Variants in EFCAB11 observed in about 807,000 individuals in gnomAD.
EFCAB11 encodes EF-hand calcium-binding domain-containing protein 11.
Under a neutral mutation model 23.0 loss-of-function variants are expected in EFCAB11, and 14 were observed. The observed-to-expected ratio is 0.61, with a 90% CI of 0.40 to 0.95. EFCAB11 has a LOEUF of 0.95. Ranked by LOEUF, EFCAB11 falls within the 40% of genes least tolerant of loss-of-function variation. The pLI, the probability that EFCAB11 is intolerant of heterozygous loss-of-function variation, is 0.00. For synonymous variants in EFCAB11, 65 were observed against 66.6 expected (o/e 0.98, Z 0.11); for missense variants, 198 against 195.8 (o/e 1.01, Z -0.07).
chr14:89,952,520 T>C (rs1437345058), intron 2 of EFCAB11: 1 of 985,358 alleles, frequency 1.0e-6, no homozygotes, highest in Non-Finnish European at 1.2e-6. Flanking sequence ...CAGCCCTGAC[T>C]ACTTCTCTGA....
intron 5 of EFCAB11, among the ~76,000 whole-genome samples, chr14:89,826,759 C>G (rs2140108604): frequency 6.6e-6 from 1 of 152,206 alleles, no homozygotes; most frequent in East Asian, 1.9e-4. Context: ...CCATTCCACA[C>G]TTCTGACATC....
intron 5 of EFCAB11, among the ~76,000 whole-genome samples, chr14:89,930,516 G>A (rs1158101188): frequency 3.4e-5 from 5 of 146,078 alleles, no homozygotes; most frequent in African/African-American, 1.3e-4. Flanking sequence ...GTTGTAAGTG[G>A]AAATAATATA....
chr14:89,949,889 C>T (rs903945797), intron 3 of EFCAB11, among the ~76,000 whole-genome samples: 1 of 151,918 alleles, frequency 6.6e-6, no homozygotes, highest in African/African-American at 2.4e-5. Flanking sequence ...GCAGGGAAGC[C>T]CCCCCTTATA....
intron 5 of EFCAB11, among the ~76,000 whole-genome samples, chr14:89,827,773 A>C (rs1397954933): frequency 4.0e-5 from 6 of 151,180 alleles, no homozygotes; most frequent in Non-Finnish European, 7.4e-5. Flanking sequence ...AGCTGGGATT[A>C]CAGGCATGTG....
At chr14:89,923,886 A>T in intron 5 of EFCAB11, 1 of 985,444 alleles carries the variant, frequency 1.0e-6, no homozygotes, top group Non-Finnish European at 1.2e-6. Context: ...GAGAAATAAC[A>T]TTTCAAAAGA....
chr14:89,953,847 T>C, intron 2 of EFCAB11, 59 bp downstream of exon 2: 1 of 1,424,520 alleles, frequency 7.0e-7, no homozygotes, highest in Non-Finnish European at 9.8e-7. Flanking sequence ...TGAACTTTTC[T>C]TAGGATCCAT....
At chr14:89,921,072 A>AAAAAAAAAAG (rs796207560) in intron 5 of EFCAB11, among the ~76,000 whole-genome samples, 11,675 of 147,100 alleles carry the variant, frequency 0.079, 1,403 homozygotes, top group African/African-American at 0.26. Flanking sequence ...CTAAAAAAAA[A>AAAAAAAAAAG]AAAAGAAAAG....
At chr14:89,856,935 A>T (rs1030094662) in intron 5 of EFCAB11, among the ~76,000 whole-genome samples, 1 of 152,232 alleles carries the variant, frequency 6.6e-6, no homozygotes. Flanking sequence ...AACTACAGTG[A>T]TTCATTCTGG....
At chr14:89,853,418 T>C (rs1887655729) in intron 5 of EFCAB11, among the ~76,000 whole-genome samples, 1 of 152,246 alleles carries the variant, frequency 6.6e-6, no homozygotes, top group Non-Finnish European at 1.5e-5. Context: ...GTGCTATGCA[T>C]GTAACTTGCA....
intron 5 of EFCAB11, among the ~76,000 whole-genome samples, chr14:89,806,430 T>C (rs1007822190): frequency 7.9e-5 from 12 of 152,194 alleles, no homozygotes; most frequent in African/African-American, 2.4e-4. Flanking sequence ...AACAGGGATA[T>C]GATCGTGTTT....
chr14:89,879,496 C>T (rs1888538487), intron 5 of EFCAB11, among the ~76,000 whole-genome samples: 1 of 145,314 alleles, frequency 6.9e-6, no homozygotes, highest in South Asian at 2.2e-4. Flanking sequence ...GTAAGCTACA[C>T]AAAAAAAAAC....
rs573528113 is a variant in EFCAB11, at chr14:89,797,067, C to T, written c.*176G>A. 4 of 394,298 alleles carry T rather than the reference C, an allele frequency of 1.0e-5. No homozygotes were observed. The highest frequency in any genetic ancestry group is 8.0e-5 in the Admixed American group (2 of 24,882). The allele number at this position is 394,298 out of a possible 1,614,324, so 24.4% of individuals were successfully genotyped here. A position where few individuals can be genotyped will look rare whatever the true frequency, so the allele number is the denominator to read the frequency against. ...TGCATGCCTGTGCCAAAATATCTCC[C>T]GTAACCCATATATGTGTGTGTATGT... On this transcript the variant is annotated 3_prime_UTR_variant, in exon 6 of 6. Transcript: ENST00000316738.
intron 3 of EFCAB11, among the ~76,000 whole-genome samples, chr14:89,949,256 C>T (rs1344425253): frequency 1.3e-5 from 2 of 152,002 alleles, no homozygotes; most frequent in African/African-American, 4.8e-5. Flanking sequence ...TCTATATATA[C>T]ACCTACAAAA....
At chr14:89,876,978 G>A (rs999925609) in intron 5 of EFCAB11, among the ~76,000 whole-genome samples, 5 of 152,258 alleles carry the variant, frequency 3.3e-5, no homozygotes, top group African/African-American at 1.2e-4. Flanking sequence ...GGCTAGGATA[G>A]GTCAGAGAGG....
chr14:89,847,095 C>T (rs1887452996), intron 5 of EFCAB11, among the ~76,000 whole-genome samples: 1 of 152,226 alleles, frequency 6.6e-6, no homozygotes, highest in Admixed American at 6.5e-5. Context: ...ACTTCTCAAC[C>T]CAAAGCAATC....
At chr14:89,954,513 C>T in intron 1 of EFCAB11, 73 bp downstream of exon 1, 1 of 1,583,858 alleles carries the variant, frequency 6.3e-7, no homozygotes, top group Non-Finnish European at 8.6e-7. Flanking sequence ...GAGTGAGACC[C>T]AGACACGGGA....
intron 5 of EFCAB11, among the ~76,000 whole-genome samples, chr14:89,810,434 T>A (rs1342338457): frequency 2.0e-5 from 3 of 152,370 alleles, no homozygotes; most frequent in Non-Finnish European, 4.4e-5. Flanking sequence ...AATGGACTTA[T>A]AATAAATTAT....
chr14:89,872,568 G>A (rs1419764156), intron 5 of EFCAB11, among the ~76,000 whole-genome samples: 1 of 152,198 alleles, frequency 6.6e-6, no homozygotes, highest in Non-Finnish European at 1.5e-5. Context: ...AACAAAGTGG[G>A]AGAGTGAGCA....
chr14:89,939,716 T>G (rs1486376709), intron 3 of EFCAB11, among the ~76,000 whole-genome samples: 1 of 152,192 alleles, frequency 6.6e-6, no homozygotes, highest in Non-Finnish European at 1.5e-5. Context: ...GTGGCAATAT[T>G]TCTTTCATCT....
Sources: allele counts gnomAD v4.1 joint callset (sites outside exome capture counted in the v4.1 genomes callset), GRCh38; gene constraint gnomAD v4.1.1; transcripts MANE v1.5; gene names NCBI Gene and HGNC (gene_info 2026-07-23, HGNC 2026-07-21).